Variants in WDR70 observed in about 807,000 individuals in gnomAD.
WDR70 encodes WD repeat domain 70.
A neutral mutation model predicts 88.6 loss-of-function variants in WDR70; 53 were observed. That is an observed-to-expected ratio of 0.60 (90% CI 0.48 to 0.75). The LOEUF is 0.75. Among genes scored for constraint, WDR70 ranks in the 30% least tolerant of loss-of-function variants. The pLI is 0.00. For missense variants in WDR70, 610 were observed against 823.2 expected, an observed-to-expected ratio of 0.74 and a Z score of 3.17; for synonymous variants, 280 against 270.0, an observed-to-expected ratio of 1.04 and a Z score of -0.36.
chr5:37,632,534 A>G (rs1581450933), intron 10 of WDR70, among the ~76,000 whole-genome samples: 1 of 150,538 alleles, frequency 6.6e-6, no homozygotes, highest in Non-Finnish European at 1.5e-5. Context: ...CTAGGCTAAC[A>G]TGTGTGTTTG....
intron 4 of WDR70, among the ~76,000 whole-genome samples, chr5:37,393,904 A>G (rs974492429): frequency 6.6e-6 from 1 of 151,092 alleles, no homozygotes; most frequent in Non-Finnish European, 1.5e-5. Flanking sequence ...CTAGTCTTGA[A>G]CTCCTGAGCT....
chr5:37,704,968 A>T (rs1444648905), intron 13 of WDR70, among the ~76,000 whole-genome samples: 1 of 152,050 alleles, frequency 6.6e-6, no homozygotes, highest in East Asian at 1.9e-4. Flanking sequence ...AGGTTTAGTT[A>T]TATAAGATTT....
At chr5:37,500,461 G>A (rs1373116877) in intron 8 of WDR70, among the ~76,000 whole-genome samples, 2 of 152,046 alleles carry the variant, frequency 1.3e-5, no homozygotes, top group African/African-American at 2.4e-5. Flanking sequence ...CGCAGTAGTG[G>A]GATTGTTGGA....
intron 9 of WDR70, among the ~76,000 whole-genome samples, chr5:37,556,185 G>A (rs549159099): frequency 1.4e-5 from 2 of 147,310 alleles, no homozygotes; most frequent in African/African-American, 5.1e-5. Flanking sequence ...TCTGTGTTTA[G>A]ATGCAGAGAA....
At chr5:37,557,192 A>G (rs112800941) in intron 9 of WDR70, among the ~76,000 whole-genome samples, 1 of 151,860 alleles carries the variant, frequency 6.6e-6, no homozygotes, top group African/African-American at 2.4e-5. Context: ...CAAAACAGCA[A>G]AGTTAGTGCT....
chr5:37,673,665 A>G (rs970876633), intron 10 of WDR70, among the ~76,000 whole-genome samples: 2 of 127,940 alleles, frequency 1.6e-5, no homozygotes, highest in Non-Finnish European at 3.1e-5. Flanking sequence ...GGTTTGTTAC[A>G]TAGGTAAATA....
chr5:37,671,353 T>C (rs1365237786), intron 10 of WDR70, among the ~76,000 whole-genome samples: 2 of 152,294 alleles, frequency 1.3e-5, no homozygotes, highest in South Asian at 4.1e-4. Context: ...ACCTGTAGTA[T>C]TGACATAAGA....
chr5:37,617,332 A>G (rs537539417), intron 10 of WDR70, among the ~76,000 whole-genome samples: 12 of 152,334 alleles, frequency 7.9e-5, no homozygotes, highest in Admixed American at 2.6e-4. Flanking sequence ...TTCTAAAACA[A>G]GATTGTGGTG....
At chr5:37,414,982 C>T (rs1442368533) in intron 5 of WDR70, among the ~76,000 whole-genome samples, 1 of 150,224 alleles carries the variant, frequency 6.7e-6, no homozygotes, top group Non-Finnish European at 1.5e-5. Flanking sequence ...GTGGTGATGA[C>T]TTTTAAGGAG....
chr5:37,577,501 C>G (rs990978950), intron 9 of WDR70, among the ~76,000 whole-genome samples: 1 of 151,928 alleles, frequency 6.6e-6, no homozygotes, highest in Non-Finnish European at 1.5e-5. Flanking sequence ...ATAATTAAAT[C>G]GTACATATAT....
chr5:37,410,901 C>G (rs937880108), intron 5 of WDR70, among the ~76,000 whole-genome samples: 5 of 152,158 alleles, frequency 3.3e-5, no homozygotes, highest in Admixed American at 3.3e-4. Context: ...CCTAACCTTA[C>G]AATTTAGATA....
At chr5:37,648,939 A>C (rs77113857) in intron 10 of WDR70, among the ~76,000 whole-genome samples, 1 of 152,164 alleles carries the variant, frequency 6.6e-6, no homozygotes, top group Non-Finnish European at 1.5e-5. Context: ...AACATTGTCA[A>C]TGGACTCACT....
At chr5:37,688,623 G>A (rs549308068) in intron 10 of WDR70, among the ~76,000 whole-genome samples, 1 of 151,688 alleles carries the variant, frequency 6.6e-6, no homozygotes, top group African/African-American at 2.4e-5. Flanking sequence ...ATTGAGGTTG[G>A]TAGCAGAGTT....
chr5:37,554,910 T>C (rs780558501), intron 9 of WDR70, among the ~76,000 whole-genome samples: 3 of 152,202 alleles, frequency 2.0e-5, no homozygotes, highest in Non-Finnish European at 4.4e-5. Context: ...AAATAAAGGT[T>C]AAATATATGG....
intron 7 of WDR70, among the ~76,000 whole-genome samples, chr5:37,475,843 ATTTTT>A (rs35126157): frequency 8.3e-6 from 1 of 120,666 alleles, no homozygotes; most frequent in African/African-American, 3.2e-5. Flanking sequence ...TGCATTACAT[ATTTTT>A]TTTTTTTTTT....
intron 10 of WDR70, among the ~76,000 whole-genome samples, chr5:37,641,973 G>A (rs1307498399): frequency 1.3e-5 from 2 of 152,154 alleles, no homozygotes; most frequent in Non-Finnish European, 1.5e-5. Context: ...AGTTTTAGAT[G>A]TAGTGACTTT....
chr5:37,419,277 G>T (rs1749864991), intron 5 of WDR70, among the ~76,000 whole-genome samples: 1 of 150,288 alleles, frequency 6.7e-6, no homozygotes, highest in African/African-American at 2.4e-5. Context: ...CGCAATCTTG[G>T]CTCGCTGCAA....
At chr5:37,576,445 CT>C (rs1743057316) in intron 9 of WDR70, among the ~76,000 whole-genome samples, 1 of 151,994 alleles carries the variant, frequency 6.6e-6, no homozygotes, top group African/African-American at 2.4e-5. Context: ...AATTTGGGAC[CT>C]TTCCTCTGAT....
At chr5:37,742,457 TAGG>T (rs1748513785) in intron 17 of WDR70, among the ~76,000 whole-genome samples, 2 of 152,116 alleles carry the variant, frequency 1.3e-5, no homozygotes, top group Non-Finnish European at 2.9e-5. Context: ...GTTGTTGTTG[TAGG>T]AGTTCTTTAT....
Sources: gnomAD v4.1 joint callset for allele counts (sites outside exome capture counted in the v4.1 genomes callset) on GRCh38, gnomAD v4.1.1 for gene constraint, MANE v1.5 for transcripts, NCBI Gene and HGNC (gene_info 2026-07-23, HGNC 2026-07-21) for gene names.